CLUL1: variants seen among roughly 807,000 people sequenced by gnomAD.
The protein encoded by CLUL1 is clusterin like 1.
CLUL1 carries 43 observed loss-of-function variants against 49.4 expected under a neutral mutation model. The ratio of observed to expected loss-of-function variants is 0.87; its 90% CI spans 0.68 to 1.12. The LOEUF (loss-of-function observed/expected upper bound fraction) is 1.12. CLUL1 is among the 50% of genes most tolerant of loss of function. The pLI, the probability that CLUL1 is intolerant of heterozygous loss-of-function variation, is 0.00. For synonymous variants in CLUL1, 192 were observed against 184.9 expected (o/e 1.04, Z -0.31); for missense variants, 486 against 544.4 (o/e 0.89, Z 1.07).
intron 2 of CLUL1, among the ~76,000 whole-genome samples, chr18:609,326 T>C (rs1321737754): frequency 6.6e-6 from 1 of 152,194 alleles, no homozygotes; most frequent in African/African-American, 2.4e-5. Context: ...CTTACACTTA[T>C]TCACACAAGA....
In CLUL1 at chr18:606,210, C is replaced by T. The variant is rs1354815299; in HGVS notation, c.-135-768C>T. 1.3e-5 allele frequency among the ~76,000 whole-genome samples: 2 copies of T among 152,152 alleles called. No homozygotes were observed. Among genetic ancestry groups the T allele is most frequent in the South Asian group, 2.1e-4 (1 of 4,834 alleles). ...CTCCTAGGTCAGGGTCCTCTCTTGGCATGACACTACCACCACAGTGCAGAC... is the reference window on the plus strand; with the variant it reads ...CTCCTAGGTCAGGGTCCTCTCTTGGTATGACACTACCACCACAGTGCAGAC... On this transcript the variant is annotated intron_variant, in intron 1 of 9. Transcript: ENST00000692774. This position sits in a 1 kb window ranked among gnomAD's most constrained non-coding sequence, Gnocchi z 4.1.
At chr18:612,726 A>G (rs1318934649) in intron 2 of CLUL1, 1 of 152,136 alleles carries the variant, frequency 6.6e-6, no homozygotes, top group East Asian at 1.9e-4. Context: ...TCATGCTTTT[A>G]TACATTCTGG....
rs749900978 is a variant in CLUL1 at position 644,966 on chromosome 18, A to C, written c.1266A>C (p.Thr422=). 1.2e-6 allele frequency: 2 copies of C among 1,613,738 alleles called. No individual in the cohort carries two copies. Among genetic ancestry groups the C allele is most frequent in the Non-Finnish European group, 1.7e-6 (2 of 1,179,776 alleles). The change falls in exon 9 of 10, where the codon ACA becomes ACC. Residue 422 remains threonine, a synonymous_variant. Transcript: ENST00000692774. ...NISKQDETMM[T]DLSILPSSNF... ...CCAAACAAGATGAAACAATGATGAC[A>C]GACTTAAGCATTCTGCCTTCCTCTA... is the stretch of plus-strand genomic sequence containing the variant.
intron 6 of CLUL1, among the ~76,000 whole-genome samples, chr18:631,692 A>T (rs2073998031): frequency 6.6e-6 from 1 of 152,218 alleles, no homozygotes; most frequent in Non-Finnish European, 1.5e-5. Flanking sequence ...CCAGGAGCTC[A>T]GTCCAGAGAA....
chr18:609,881 A>T (rs1316861052), intron 2 of CLUL1, among the ~76,000 whole-genome samples: 1 of 151,470 alleles, frequency 6.6e-6, no homozygotes, highest in Non-Finnish European at 1.5e-5. Flanking sequence ...TGGATTTTGC[A>T]TTAAGTGTGT....
At position 638,520 on chromosome 18, in the gene CLUL1, TA is replaced by T. The variant is rs144931885; in HGVS notation, c.995-2803del. Among the ~76,000 whole-genome samples, 513 of 152,290 alleles carry T rather than the reference TA, an allele frequency of 3.4e-3. 2 individuals are homozygous for T. Among genetic ancestry groups the T allele is most frequent in the African/African-American group, 0.011 (455 of 41,562 alleles). ...TGTCCTAATGTGCTCCCATGCTGCT[TA>T]AAACTGTTATTATAAATTGCTTTTT... On this transcript the variant is annotated intron_variant, in intron 7 of 9. Coordinates refer to ENST00000692774, the MANE Select transcript of CLUL1 (RefSeq NM_001393344.1).
chr18:627,237 T>C lies in CLUL1; in HGVS notation c.564T>C (p.Thr188=), dbSNP rs1330140010. The change falls in exon 6 of 10, where the codon ACT becomes ACC. Residue 188 remains threonine, a synonymous_variant. Transcript: ENST00000692774. ...TGGAGGATGTGTTCAGCCAGTTGAC[T>C]GTGGATGTGAATTCTCTCTTTAACA... is the stretch of plus-strand genomic sequence containing the variant. ...TQMEDVFSQL[T]VDVNSLFNRS... is the part of the protein sequence containing the mutation. 1 of 1,614,040 alleles carries C rather than the reference T, an allele frequency of 6.2e-7. No homozygotes were observed. Among genetic ancestry groups the C allele is most frequent in the Non-Finnish European group, 8.5e-7 (1 of 1,180,014 alleles).
intron 2 of CLUL1, among the ~76,000 whole-genome samples, chr18:614,243 A>G (rs2143973877): frequency 6.7e-6 from 1 of 149,964 alleles, no homozygotes; most frequent in African/African-American, 2.4e-5. Flanking sequence ...ATTGTGAATA[A>G]TTTTCTTTAA....
intron 1 of CLUL1, chr18:598,464 T>C: frequency 2.5e-6 from 1 of 398,448 alleles, no homozygotes; most frequent in Non-Finnish European, 4.4e-6. Flanking sequence ...CTCTTGAGTC[T>C]CAAGGCTGCC....
rs531216731 is a variant in CLUL1 at position 614,135 on chromosome 18, A to G, written c.-13-3853A>G. 1.5e-4 allele frequency among the ~76,000 whole-genome samples: 23 copies of G among 152,364 alleles called. 1 individual carries two copies. In the South Asian group the frequency reaches 4.3e-3, roughly 29 times the overall value. Reference sequence around the variant, plus strand: ...TCTTAAGTCAGTGATCTTTATGTCCATCGGTCCTTTCCAGCAAGTGAGTTA... The same window carrying G: ...TCTTAAGTCAGTGATCTTTATGTCCGTCGGTCCTTTCCAGCAAGTGAGTTA... On this transcript the variant is annotated intron_variant, in intron 2 of 9. Coordinates refer to ENST00000692774, the MANE Select transcript of CLUL1 (RefSeq NM_001393344.1).
intron 9 of CLUL1, among the ~76,000 whole-genome samples, chr18:646,576 T>G (rs534001143): frequency 1.4e-5 from 2 of 144,658 alleles, no homozygotes; most frequent in Admixed American, 6.9e-5. Flanking sequence ...TGCACAGGAG[T>G]GGGCTCTGGG....
At chr18:635,382 C>T (rs552539515) in intron 7 of CLUL1, among the ~76,000 whole-genome samples, 1 of 152,250 alleles carries the variant, frequency 6.6e-6, no homozygotes, top group South Asian at 2.1e-4. Flanking sequence ...AGGCGGGGCT[C>T]AGGCAGTCAT....
chr18:622,802 A>G (rs2073534661), intron 4 of CLUL1, among the ~76,000 whole-genome samples: 1 of 152,222 alleles, frequency 6.6e-6, no homozygotes, highest in East Asian at 1.9e-4. Flanking sequence ...TGTTTAGCTC[A>G]TTTAATGCAA....
chr18:622,346 G>C (rs911234070), intron 4 of CLUL1, among the ~76,000 whole-genome samples: 1 of 152,108 alleles, frequency 6.6e-6, no homozygotes, highest in Non-Finnish European at 1.5e-5. Flanking sequence ...TTAATGAAAT[G>C]GGGTCTTGCT....
At chr18:607,924 T>C (rs1203809622) in intron 2 of CLUL1, among the ~76,000 whole-genome samples, 1 of 152,164 alleles carries the variant, frequency 6.6e-6, no homozygotes, top group Non-Finnish European at 1.5e-5. Context: ...TTGTAGTAAT[T>C]AATTAGGATC....
chr18:628,511 C>T (rs577456928), intron 6 of CLUL1, among the ~76,000 whole-genome samples: 181 of 152,258 alleles, frequency 1.2e-3, no homozygotes, highest in Non-Finnish European at 1.9e-3. Context: ...AGAATTGCCA[C>T]GAGGGTCAAG....
In CLUL1 at chr18:645,811, ATATATATATAT is replaced by A. The variant is rs1371318405; in HGVS notation, c.1397+715_1397+725del. Among the ~76,000 whole-genome samples the A allele has an allele frequency of 5.8e-3, 194 of 33,500 alleles. 13 individuals carry two copies. The highest frequency in any genetic ancestry group is 0.021 in the Middle Eastern group (1 of 48). The allele number at this position is 33,500 out of a possible 152,430, so 22.0% of individuals were successfully genotyped here. ...TCTGTTTAAAAAAAAAAAAAAAAAA[ATATATATATAT>A]ATATATATATATATATATATATATA... On this transcript the variant is annotated intron_variant, in intron 9 of 9. Transcript: ENST00000692774.
rs112345887 is a variant in CLUL1 at position 645,262 on chromosome 18, TA to T, written c.1397+174del. 7.3e-3 allele frequency: 3,593 copies of T among 492,234 alleles called. 106 individuals are homozygous for T. The highest frequency in any genetic ancestry group is 0.063 in the African/African-American group (3,142 of 50,026). The allele number at this position is 492,234 out of a possible 1,614,324, so 30.5% of individuals were successfully genotyped here. ...TTTTCTGCCTATCAGATTTGCAAAT[TA>T]AAAAAAAACCCAGGAAATCCTGATA... On this transcript the variant is annotated intron_variant, in intron 9 of 9. Coordinates refer to ENST00000692774, the MANE Select transcript of CLUL1 (RefSeq NM_001393344.1).
chr18:614,528 G>T (rs1004270587), intron 2 of CLUL1: 18 of 152,166 alleles, frequency 1.2e-4, no homozygotes, highest in African/African-American at 3.9e-4. Context: ...GAGGAGGACT[G>T]CCTCTTGTGA....
Sources: gnomAD v4.1 joint callset for allele counts (sites outside exome capture counted in the v4.1 genomes callset) on GRCh38, gnomAD v4.1.1 for gene constraint, Gnocchi (gnomAD v3.1) non-coding constraint, MANE v1.5 for transcripts, NCBI Gene and HGNC (gene_info 2026-07-23, HGNC 2026-07-21) for gene names.